Variants in SAXO4 observed in about 807,000 individuals in gnomAD.
SAXO4 encodes protein phosphatase 1 regulatory subunit 32.
the SAXO4 span, chr11:61,482,629 G>T: frequency 6.2e-7 from 1 of 1,613,624 alleles, no homozygotes; most frequent in Non-Finnish European, 8.5e-7. Flanking sequence ...AGGCGGCCTG[G>T]GGTTCTAGCT....
At chr11:61,490,735 A>G in the SAXO4 span, 2 of 666,228 alleles carry the variant, frequency 3.0e-6, no homozygotes. Flanking sequence ...GCCTCTCAGA[A>G]CCCCTTCTCT....
chr11:61,484,768 C>A, the SAXO4 span: 1 of 1,611,918 alleles, frequency 6.2e-7, no homozygotes, highest in Admixed American at 1.7e-5. Flanking sequence ...TGCCTCTGCT[C>A]CACCAGCAGC....
chr11:61,490,577 A>C, the SAXO4 span: 1 of 1,613,040 alleles, frequency 6.2e-7, no homozygotes, highest in Non-Finnish European at 8.5e-7. Flanking sequence ...CTGAGCCCTG[A>C]GCCCTTGGTA....
chr11:61,490,664 C>G, the SAXO4 span: 1 of 1,324,540 alleles, frequency 7.5e-7, no homozygotes, highest in Non-Finnish European at 1.1e-6. Context: ...CTCTCAAGCC[C>G]TGGGTTAAGC....
the SAXO4 span, chr11:61,486,974 C>G: frequency 6.2e-7 from 1 of 1,614,112 alleles, no homozygotes; most frequent in Non-Finnish European, 8.5e-7. Flanking sequence ...CAGAACCCAG[C>G]AGCGTGAGTC....
chr11:61,487,171 AC>A, the SAXO4 span: 1 of 1,613,736 alleles, frequency 6.2e-7, no homozygotes, highest in Non-Finnish European at 8.5e-7. Context: ...AGCCTTAACA[AC>A]CCCATGTATG....
the SAXO4 span, chr11:61,490,825 C>T: frequency 1.8e-6 from 1 of 563,174 alleles, no homozygotes; most frequent in Admixed American, 3.1e-5. Context: ...TTTGTCAATC[C>T]TAGGGGACAG....
At chr11:61,488,497 G>A in the SAXO4 span, among the ~76,000 whole-genome samples, 5,976 of 152,012 alleles carry the variant, frequency 0.039, 158 homozygotes, top group Non-Finnish European at 0.056. Context: ...GTAGAGACAG[G>A]GTTTCACTGT....
At chr11:61,486,275 G>A in the SAXO4 span, 18 of 1,541,374 alleles carry the variant, frequency 1.2e-5, no homozygotes, top group South Asian at 9.0e-5. Context: ...TGGAGGCAGA[G>A]TGGGTGGGAG....
the SAXO4 span, chr11:61,482,719 G>C: frequency 6.2e-7 from 1 of 1,614,090 alleles, no homozygotes; most frequent in Non-Finnish European, 8.5e-7. Flanking sequence ...GGAGGTGCCT[G>C]ACGGCAAGCA....
the SAXO4 span, chr11:61,485,738 C>T: frequency 7.8e-7 from 1 of 1,289,020 alleles, no homozygotes; most frequent in Non-Finnish European, 1.1e-6. Context: ...GACACTGAGC[C>T]TCTGGAGGAC....
At chr11:61,487,129 C>T in the SAXO4 span, 1 of 1,612,898 alleles carries the variant, frequency 6.2e-7, no homozygotes, top group East Asian at 2.2e-5. Flanking sequence ...ATTCCCCTGT[C>T]TACCCCTCTT....
At chr11:61,482,991 A>G in the SAXO4 span, among the ~76,000 whole-genome samples, 1 of 149,262 alleles carries the variant, frequency 6.7e-6, no homozygotes, top group Admixed American at 6.7e-5. Flanking sequence ...CACCACCTCT[A>G]TTCCCTGCCC....
At chr11:61,489,440 T>TCCA in the SAXO4 span, 7 of 550,992 alleles carry the variant, frequency 1.3e-5, no homozygotes, top group Non-Finnish European at 2.2e-5. Context: ...CTGTGCTCAG[T>TCCA]GAAATGGAAG....
chr11:61,489,586 G>C, the SAXO4 span: 16 of 620,280 alleles, frequency 2.6e-5, no homozygotes, highest in Non-Finnish European at 4.3e-5. Flanking sequence ...GAGTGTTTCA[G>C]CGTCAGGTGG....
the SAXO4 span, chr11:61,490,604 C>G: frequency 6.3e-7 from 1 of 1,594,748 alleles, no homozygotes; most frequent in South Asian, 1.1e-5. Flanking sequence ...TGGGGATCCC[C>G]ACACTCAGCT....
the SAXO4 span, among the ~76,000 whole-genome samples, chr11:61,483,315 T>C: frequency 9.9e-5 from 15 of 152,104 alleles, no homozygotes; most frequent in East Asian, 1.4e-3. Context: ...TACAGGCATG[T>C]GCCACCACAC....
chr11:61,483,164 C>CTTTT, the SAXO4 span, among the ~76,000 whole-genome samples: 11 of 119,344 alleles, frequency 9.2e-5, no homozygotes, highest in African/African-American at 1.1e-4. Context: ...ATTTCTTTTT[C>CTTTT]TTTTTTTTTT....
At chr11:61,482,423 CA>C in the SAXO4 span, 3 of 1,613,554 alleles carry the variant, frequency 1.9e-6, no homozygotes, top group African/African-American at 2.7e-5. Flanking sequence ...ACAACCCGGC[CA>C]GGGGGTACGG....
Sources: gnomAD v4.1 joint callset for allele counts (sites outside exome capture counted in the v4.1 genomes callset) on GRCh38, gnomAD v4.1.1 for gene constraint, MANE v1.5 for transcripts, NCBI Gene and HGNC (gene_info 2026-07-23, HGNC 2026-07-21) for gene names.